Variants in F8 observed in about 807,000 individuals in gnomAD.
F8 encodes antihemophilic factor.
Under a neutral mutation model 140.6 loss-of-function variants are expected in F8, and 12 were observed. The observed-to-expected ratio is 0.09, with a 90% confidence interval of 0.05 to 0.14. The LOEUF is 0.14. F8 is among the 10% of genes least tolerant of loss of function. F8 has a pLI of 1.00. For missense variants in F8, 1,354 were observed against 1,720.7 expected, an observed-to-expected ratio of 0.79 and a Z score of 3.77; for synonymous variants, 585 against 614.6, an observed-to-expected ratio of 0.95 and a Z score of 0.71.
Position 154,858,923 on chromosome X carries a change from T to C in F8, c.6900+1509A>G, listed in dbSNP as rs782019126. ...GCCCAGATATTTACTCAAACATTAT[T>C]CTGGTTATTTCTGTGAAGGTGTTTT... On this transcript the variant is annotated intron_variant, in intron 25 of 25. Coordinates refer to ENST00000360256, the MANE Select transcript of F8 (RefSeq NM_000132.4). 1.3e-4 allele frequency among the ~76,000 whole-genome samples: 15 copies of C among 112,271 alleles called. No individual in the cohort carries two copies. The East Asian group carries it at 3.6e-3, about 27-fold the overall frequency.
At chrX:154,842,667 T>C (rs1382398724) in intron 25 of F8, among the ~76,000 whole-genome samples, 1 of 112,370 alleles carries the variant, frequency 8.9e-6, no homozygotes, top group Non-Finnish European at 1.9e-5. Context: ...TTAATTGTAT[T>C]GTGACCAGAA....
chrX:154,851,058 A>G (rs781857586), intron 25 of F8, among the ~76,000 whole-genome samples: 2 of 112,130 alleles, frequency 1.8e-5, no homozygotes, highest in South Asian at 3.7e-4. Flanking sequence ...GCCACTCCAC[A>G]TTCACTCCTT....
intron 12 of F8, among the ~76,000 whole-genome samples, chrX:154,952,672 A>G (rs1217741829): frequency 9.1e-6 from 1 of 109,638 alleles, no homozygotes; most frequent in Non-Finnish European, 1.9e-5. Context: ...CCTCCTGAGT[A>G]GCTGGGACTA....
chrX:154,842,288 C>G, intron 25 of F8, among the ~76,000 whole-genome samples: 1 of 111,279 alleles, frequency 9.0e-6, no homozygotes, highest in South Asian at 3.7e-4. Flanking sequence ...TTCAAGGAAC[C>G]AACTTTTGGT....
chrX:155,017,715 G>C (rs1557287137), intron 1 of F8, among the ~76,000 whole-genome samples: 1 of 111,167 alleles, frequency 9.0e-6, no homozygotes, highest in Non-Finnish European at 1.9e-5. Flanking sequence ...TAAATAGTTT[G>C]CTGAGGATGG....
intron 14 of F8, among the ~76,000 whole-genome samples, chrX:154,911,976 C>T (rs782597854): frequency 6.2e-5 from 7 of 112,099 alleles, no homozygotes; most frequent in African/African-American, 1.9e-4. Context: ...TTTTCATATA[C>T]CTGTTGGCCA....
rs148759760 is a variant in F8, at chrX:154,997,377, T to A, written c.266-282A>T. Among the ~76,000 whole-genome samples, 513 of 112,194 alleles carry A rather than the reference T, an allele frequency of 4.6e-3. 2 individuals are homozygous for A. The highest frequency in any genetic ancestry group is 0.015 in the African/African-American group (479 of 30,924). ...GTGCAGTAGCAAACAAGACAGATAATGGAGATCATATTCTCAAGACATTAA... is the reference window on the plus strand; with the variant it reads ...GTGCAGTAGCAAACAAGACAGATAAAGGAGATCATATTCTCAAGACATTAA... On this transcript the variant is annotated intron_variant, in intron 2 of 25. Coordinates refer to ENST00000360256, the MANE Select transcript of F8 (RefSeq NM_000132.4).
At chrX:154,848,512 G>T (rs1039153940) in intron 25 of F8, among the ~76,000 whole-genome samples, 4 of 112,577 alleles carry the variant, frequency 3.6e-5, no homozygotes, top group African/African-American at 1.3e-4. Context: ...CTGCCTTGCA[G>T]CCACCTTGCA....
At position 154,836,863 on chromosome X, in the gene F8, G is replaced by A. The variant is rs1343985800; in HGVS notation, c.*734C>T. 9.0e-6 allele frequency: 1 copy of A among 111,717 alleles called. No individual in the cohort carries two copies. 9.2% of individuals were successfully genotyped at this position (111,717 alleles called of 1,213,427 possible). On this transcript the variant is annotated 3_prime_UTR_variant, in exon 26 of 26. Transcript: ENST00000360256. ...AATGGCTTTATATCTATGGACACTC[G>A]TCAGAAAAATGCACATTTGCATTTA...
intron 14 of F8, among the ~76,000 whole-genome samples, chrX:154,922,447 A>G (rs1214367654): frequency 8.9e-6 from 1 of 112,542 alleles, no homozygotes; most frequent in African/African-American, 3.2e-5. Context: ...GGGACACAAC[A>G]TTGAACAATA....
At chrX:154,843,583 T>C (rs1465190236) in intron 25 of F8, among the ~76,000 whole-genome samples, 1 of 112,628 alleles carries the variant, frequency 8.9e-6, no homozygotes, top group African/African-American at 3.2e-5. Context: ...GTTGGCTGCA[T>C]AAATGTCTTC....
chrX:154,838,931 A>AC (rs1396694601), intron 25 of F8, among the ~76,000 whole-genome samples: 1 of 22,236 alleles, frequency 4.5e-5, no homozygotes, highest in Non-Finnish European at 8.3e-5. Flanking sequence ...TAAGTTCCCC[A>AC]CCCCCCCACC....
At chrX:154,847,599 G>A (rs781859585) in intron 25 of F8, among the ~76,000 whole-genome samples, 103 of 111,939 alleles carry the variant, frequency 9.2e-4, no homozygotes, top group African/African-American at 2.7e-3. Flanking sequence ...TTATGCATTC[G>A]TCACATAGTT....
intron 22 of F8, among the ~76,000 whole-genome samples, chrX:154,888,408 C>CTTTTTTTTTTTTTTTTTTTTTTTTTTTTT (rs1557274896): frequency 1.9e-5 from 1 of 53,367 alleles, no homozygotes; most frequent in Non-Finnish European, 3.1e-5. Flanking sequence ...TTTTTTTTTC[C>CTTTTTTTTTTTTTTTTTTTTTTTTTTTTT]CCCCGAGATG....
chrX:154,860,915 C>T (rs1274413379), intron 24 of F8, among the ~76,000 whole-genome samples: 1 of 112,042 alleles, frequency 8.9e-6, no homozygotes, highest in African/African-American at 3.2e-5. Flanking sequence ...CCAGGCTGGT[C>T]TTGAACTCCT....
chrX:154,982,337 C>T (rs1557283758), intron 6 of F8, among the ~76,000 whole-genome samples: 1 of 104,315 alleles, frequency 9.6e-6, no homozygotes, highest in Admixed American at 1.0e-4. Flanking sequence ...GTCCCAGCTA[C>T]TCGGGAGGCT....
At chrX:154,999,311 C>T in intron 2 of F8, among the ~76,000 whole-genome samples, 168 bp downstream of exon 2, 1 of 109,966 alleles carries the variant, frequency 9.1e-6, no homozygotes, top group Non-Finnish European at 1.9e-5. Flanking sequence ...GAAGACGGCC[C>T]AGCAAAAAGA....
rs1417520379 is a variant in F8 at position 154,904,506 on chromosome X, C to T, written c.5605G>A (p.Gly1869Ser). The change falls in exon 17 of 26, where the codon GGC (glycine) becomes AGC (serine). Residue 1869 changes from glycine (G) to serine (S), a missense_variant. By Grantham distance (56) the Gly-to-Ser change is moderately conservative. This residue lies in a region of F8 where 316 missense variants were observed against 485.4 expected (regional missense o/e 0.65). Coordinates refer to ENST00000360256, the MANE Select transcript of F8 (RefSeq NM_000132.4). ...DVDLEKDVHS[G>S]LIGPLLVCHT... ...CAGACCAGAAGGGGTCCAATCAGGCCTGAGTGCACATCTTTTTCCTAGGGA... is the reference window on the plus strand; with the variant it reads ...CAGACCAGAAGGGGTCCAATCAGGCTTGAGTGCACATCTTTTTCCTAGGGA... The T allele has an allele frequency of 8.3e-7, 1 of 1,208,686 alleles. No individual in the cohort carries two copies. Among genetic ancestry groups the T allele is most frequent in the Non-Finnish European group, 1.1e-6 (1 of 892,927 alleles).
chrX:154,965,211 G>A (rs1557281886), intron 9 of F8, among the ~76,000 whole-genome samples: 1 of 111,545 alleles, frequency 9.0e-6, no homozygotes, highest in Non-Finnish European at 1.9e-5. Context: ...GGGGAAAAGG[G>A]CAGTCATATA....
Sources: gnomAD v4.1 joint callset for allele counts (sites outside exome capture counted in the v4.1 genomes callset) on GRCh38, gnomAD v4.1.1 for gene constraint, gnomAD v4.1.1 regional missense constraint, MANE v1.5 for transcripts, NCBI Gene and HGNC (gene_info 2026-07-23, HGNC 2026-07-21) for gene names.